Variants in KCNB2 observed in about 807,000 individuals in gnomAD.
KCNB2 encodes potassium voltage-gated channel subfamily B member 2.
KCNB2 carries 15 observed loss-of-function variants against 61.5 expected under a neutral mutation model. The ratio of observed to expected loss-of-function variants is 0.24; its 90% CI spans 0.16 to 0.38. The LOEUF is 0.38. Ranked by LOEUF, KCNB2 falls within the 10% of genes least tolerant of loss-of-function variation. KCNB2 has a pLI of 1.00. For synonymous variants in KCNB2, 457 were observed against 446.0 expected, an observed-to-expected ratio of 1.02 and a Z score of -0.31; for missense variants, 828 against 1,125.2, an observed-to-expected ratio of 0.74 and a Z score of 3.78.
At chr8:72,851,686 G>A (rs1810111440) in intron 2 of KCNB2, among the ~76,000 whole-genome samples, 1 of 151,956 alleles carries the variant, frequency 6.6e-6, no homozygotes, top group Non-Finnish European at 1.5e-5. Context: ...GTAAAGGAAG[G>A]GAAGATTCCA....
intron 2 of KCNB2, among the ~76,000 whole-genome samples, chr8:72,661,860 T>C (rs1806386222): frequency 6.6e-6 from 1 of 152,246 alleles, no homozygotes; most frequent in Admixed American, 6.5e-5. Flanking sequence ...TAAACCCAAG[T>C]AGAGACCTGG....
intron 2 of KCNB2, among the ~76,000 whole-genome samples, chr8:72,812,536 A>G (rs904179116): frequency 6.6e-6 from 1 of 152,110 alleles, no homozygotes. Context: ...ATATAGATAT[A>G]TATTTATTAC....
At chr8:72,800,032 G>A (rs1272068854) in intron 2 of KCNB2, among the ~76,000 whole-genome samples, 1 of 152,056 alleles carries the variant, frequency 6.6e-6, no homozygotes, top group African/African-American at 2.4e-5. Flanking sequence ...GAAAACCAAG[G>A]CGAAAACCAA....
At chr8:72,841,450 T>A (rs1490690679) in intron 2 of KCNB2, among the ~76,000 whole-genome samples, 1 of 149,688 alleles carries the variant, frequency 6.7e-6, no homozygotes, top group East Asian at 1.9e-4. Flanking sequence ...TTTAAAGCAG[T>A]TTTTTCCAAT....
intron 2 of KCNB2, among the ~76,000 whole-genome samples, chr8:72,748,625 T>G (rs1165836591): frequency 6.7e-6 from 1 of 150,174 alleles, no homozygotes; most frequent in Non-Finnish European, 1.5e-5. Context: ...TTTTTTTTTT[T>G]GAAATTAAAA....
intron 2 of KCNB2, among the ~76,000 whole-genome samples, chr8:72,745,760 G>C (rs1808051976): frequency 6.6e-6 from 1 of 152,108 alleles, no homozygotes; most frequent in African/African-American, 2.4e-5. Flanking sequence ...CCCCAGAGAT[G>C]GAGTTGATAT....
chr8:72,602,119 G>T (rs1805361621), intron 2 of KCNB2, among the ~76,000 whole-genome samples: 1 of 152,136 alleles, frequency 6.6e-6, no homozygotes, highest in South Asian at 2.1e-4. Flanking sequence ...GAAATGAAAA[G>T]TATTCTATTT....
intron 2 of KCNB2, among the ~76,000 whole-genome samples, chr8:72,661,886 T>G (rs1441462944): frequency 6.6e-6 from 1 of 152,242 alleles, no homozygotes; most frequent in African/African-American, 2.4e-5. Context: ...TACAGTCTTT[T>G]ATTAATGATC....
chr8:72,767,104 CT>C (rs1483235402), intron 2 of KCNB2, among the ~76,000 whole-genome samples: 7 of 152,170 alleles, frequency 4.6e-5, no homozygotes, highest in Non-Finnish European at 1.5e-5. Context: ...TTACCTCCCC[CT>C]GGGTCCCTCC....
intron 2 of KCNB2, among the ~76,000 whole-genome samples, chr8:72,769,717 T>A (rs957444476): frequency 3.3e-5 from 5 of 152,114 alleles, no homozygotes; most frequent in African/African-American, 9.7e-5. Context: ...TAGGCCCCAT[T>A]CTATGGGCAA....
At chr8:72,566,329 A>G (rs569527937) in intron 1 of KCNB2, among the ~76,000 whole-genome samples, 36 of 152,312 alleles carry the variant, frequency 2.4e-4, no homozygotes, top group African/African-American at 8.7e-4. Flanking sequence ...TTAGCAGAGC[A>G]TTCTAATAGC....
At chr8:72,897,433 A>G (rs1280442828) in intron 2 of KCNB2, among the ~76,000 whole-genome samples, 1 of 152,162 alleles carries the variant, frequency 6.6e-6, no homozygotes, top group African/African-American at 2.4e-5. Context: ...AGATATTTGA[A>G]ATATAAATCA....
intron 2 of KCNB2, among the ~76,000 whole-genome samples, chr8:72,647,037 C>G (rs1029407293): frequency 6.6e-6 from 1 of 152,036 alleles, no homozygotes; most frequent in African/African-American, 2.4e-5. Context: ...GAGGGTTTCC[C>G]GAGTCTCTCT....
At chr8:72,611,790 C>A (rs1050929783) in intron 2 of KCNB2, among the ~76,000 whole-genome samples, 1 of 152,150 alleles carries the variant, frequency 6.6e-6, no homozygotes, top group Admixed American at 6.6e-5. Context: ...TGGCTCACTC[C>A]AGTTTGGCTT....
chr8:72,537,234 T>C lies in KCNB2; in HGVS notation c.-745T>C, dbSNP rs1373195939. On this transcript the variant is annotated 5_prime_UTR_variant, in exon 1 of 3. Transcript: ENST00000523207. ...GGAGGCTGGGGTGGCCGCAGCCCTG[T>C]GTGCGCGCCGGGCCGGCTAGCTGCG... Among the ~76,000 whole-genome samples, 2 of 151,026 alleles carry C rather than the reference T, an allele frequency of 1.3e-5. No individual in the cohort carries two copies. Among genetic ancestry groups the C allele is most frequent in the African/African-American group, 4.8e-5 (2 of 41,330 alleles).
At chr8:72,813,526 A>G (rs1049283593) in intron 2 of KCNB2, among the ~76,000 whole-genome samples, 13 of 152,164 alleles carry the variant, frequency 8.5e-5, no homozygotes, top group African/African-American at 2.9e-4. Flanking sequence ...TAAAAGGGGA[A>G]GAAAGGGCCG....
At chr8:72,598,676 T>A (rs1218248467) in intron 2 of KCNB2, among the ~76,000 whole-genome samples, 1 of 152,230 alleles carries the variant, frequency 6.6e-6, no homozygotes, top group Admixed American at 6.5e-5. Context: ...TGTTTGCAGA[T>A]GACATGATTG....
chr8:72,886,116 G>A (rs1805803102), intron 2 of KCNB2, among the ~76,000 whole-genome samples: 1 of 152,144 alleles, frequency 6.6e-6, no homozygotes, highest in African/African-American at 2.4e-5. Flanking sequence ...ATGATGTTTA[G>A]ATCAAACTCA....
At chr8:72,765,038 G>C (rs1246605636) in intron 2 of KCNB2, among the ~76,000 whole-genome samples, 1 of 152,210 alleles carries the variant, frequency 6.6e-6, no homozygotes, top group Non-Finnish European at 1.5e-5. Context: ...AAAATAGGAA[G>C]AGACTGACAT....
Sources: gnomAD v4.1 joint callset for allele counts (sites outside exome capture counted in the v4.1 genomes callset) on GRCh38, gnomAD v4.1.1 for gene constraint, MANE v1.5 for transcripts, NCBI Gene and HGNC (gene_info 2026-07-23, HGNC 2026-07-21) for gene names.